TBC1D14: variants seen among roughly 807,000 people sequenced by gnomAD.
The protein encoded by TBC1D14 is TBC1 domain family member 14, also known as TBC1 domain family, member 14.
In TBC1D14, 26 loss-of-function variants were observed where a neutral mutation model predicts 79.0. The ratio of observed to expected loss-of-function variants is 0.33; its 90% CI spans 0.24 to 0.46. TBC1D14 has a LOEUF of 0.46. Ranked by LOEUF, TBC1D14 falls within the 20% of genes least tolerant of loss-of-function variation. TBC1D14 has a pLI of 1.00. For missense variants in TBC1D14, 769 were observed against 887.6 expected, an observed-to-expected ratio of 0.87 and a Z score of 1.70; for synonymous variants, 394 against 349.9, an observed-to-expected ratio of 1.13 and a Z score of -1.40.
chr4:6,975,698 A>G (rs1395361610), intron 3 of TBC1D14, among the ~76,000 whole-genome samples: 2 of 152,242 alleles, frequency 1.3e-5, no homozygotes, highest in African/African-American at 2.4e-5. Flanking sequence ...GAAATTTTGT[A>G]ACTGAAAAAT....
At chr4:6,924,185 G>A in intron 2 of TBC1D14, 74 bp downstream of exon 2, 1 of 1,501,632 alleles carries the variant, frequency 6.7e-7, no homozygotes, top group Non-Finnish European at 8.9e-7. Flanking sequence ...TGTCTCAAAT[G>A]TGTTGTGTGT....
At chr4:6,923,012 C>T (rs1218617267) in intron 1 of TBC1D14, among the ~76,000 whole-genome samples, 3 of 152,100 alleles carry the variant, frequency 2.0e-5, no homozygotes, top group Admixed American at 2.0e-4. Context: ...ACCAGCCTGG[C>T]CAACATAGGG....
intron 6 of TBC1D14, among the ~76,000 whole-genome samples, 154 bp downstream of exon 6, chr4:6,999,356 G>A (rs941306000): frequency 6.6e-6 from 1 of 151,808 alleles, no homozygotes; most frequent in Non-Finnish European, 1.5e-5. Context: ...CTCAGCCTGC[G>A]CCATCCCTTG....
intron 2 of TBC1D14, among the ~76,000 whole-genome samples, chr4:6,954,527 G>C (rs775600462): frequency 1.1e-4 from 17 of 152,196 alleles, no homozygotes; most frequent in Admixed American, 9.8e-4. Flanking sequence ...CTGAGTGCCC[G>C]AGCTCCCTGG....
chr4:6,938,235 T>C (rs1712537777), intron 2 of TBC1D14, among the ~76,000 whole-genome samples: 1 of 152,136 alleles, frequency 6.6e-6, no homozygotes, highest in South Asian at 2.1e-4. Flanking sequence ...CTGTTGGCTG[T>C]GCAGATCCCT....
chr4:6,961,036 T>G (rs981931879), intron 2 of TBC1D14, among the ~76,000 whole-genome samples: 1 of 152,204 alleles, frequency 6.6e-6, no homozygotes, highest in African/African-American at 2.4e-5. Context: ...CACTCGACAC[T>G]GGACCTGGGA....
At position 7,025,088 on chromosome 4, in the gene TBC1D14, C is replaced by T; in HGVS notation, c.1842C>T (p.Phe614=). The T allele has an allele frequency of 2.5e-6, 4 of 1,614,204 alleles. No individual in the cohort carries two copies. Among genetic ancestry groups the T allele is most frequent in the Non-Finnish European group, 2.5e-6 (3 of 1,180,036 alleles). Residue 614 remains phenylalanine (F), a synonymous_variant, in exon 13 of 14, where the codon TTC becomes TTT. Coordinates refer to ENST00000409757, the MANE Select transcript of TBC1D14 (RefSeq NM_020773.3). ...WDVFCRDGEE[F]LFRTALGILK... ...TGTTCTGTCGCGATGGGGAAGAGTT[C>T]CTGTTCCGCACGGCCCTGGGCATCC...
At chr4:6,970,618 A>G (rs1482141507) in intron 3 of TBC1D14, among the ~76,000 whole-genome samples, 1 of 152,264 alleles carries the variant, frequency 6.6e-6, no homozygotes, top group Non-Finnish European at 1.5e-5. Flanking sequence ...TGGGAGCCCA[A>G]GAGCAGTTGG....
At chr4:6,989,259 TCTCTCCTCTGG>T (rs1015960095) in intron 3 of TBC1D14, among the ~76,000 whole-genome samples, 1 of 152,092 alleles carries the variant, frequency 6.6e-6, no homozygotes, top group Non-Finnish European at 1.5e-5. Flanking sequence ...TACCTCATAG[TCTCTCCTCTGG>T]CTCTCCTCTC....
At chr4:6,965,260 C>T (rs765243068) in intron 2 of TBC1D14, among the ~76,000 whole-genome samples, 19 of 152,040 alleles carry the variant, frequency 1.2e-4, no homozygotes, top group African/African-American at 3.4e-4. Flanking sequence ...TGGGTTCAAG[C>T]GATTCTCCTG....
At chr4:6,988,296 T>A (rs1426905134) in intron 3 of TBC1D14, among the ~76,000 whole-genome samples, 2 of 152,248 alleles carry the variant, frequency 1.3e-5, no homozygotes, top group Non-Finnish European at 2.9e-5. Context: ...AGTAATTTCA[T>A]AGTATATAGT....
intron 2 of TBC1D14, among the ~76,000 whole-genome samples, chr4:6,950,132 A>G (rs1713893494): frequency 2.0e-5 from 3 of 151,004 alleles, no homozygotes; most frequent in African/African-American, 7.3e-5. Flanking sequence ...TCATTGTTCA[A>G]CTCCCCCTTA....
At chr4:7,001,994 A>T (rs924389625) in intron 7 of TBC1D14, among the ~76,000 whole-genome samples, 5 of 152,144 alleles carry the variant, frequency 3.3e-5, no homozygotes, top group African/African-American at 9.7e-5. Context: ...TGGGGAGTTG[A>T]TGATGTGGTT....
intron 11 of TBC1D14, 66 bp downstream of exon 11, chr4:7,010,847 CTG>C (rs976675393): frequency 1.9e-6 from 3 of 1,542,046 alleles, no homozygotes; most frequent in East Asian, 2.3e-5. Flanking sequence ...GCTTACTCGT[CTG>C]TGTTTTCGGT....
intron 3 of TBC1D14, among the ~76,000 whole-genome samples, chr4:6,992,809 T>A (rs1248803397): frequency 6.6e-6 from 1 of 152,048 alleles, no homozygotes; most frequent in East Asian, 1.9e-4. Flanking sequence ...TTCAGATGCT[T>A]GAATCCAGCA....
chr4:6,963,338 A>C (rs1047795890), intron 2 of TBC1D14, among the ~76,000 whole-genome samples: 13 of 152,252 alleles, frequency 8.5e-5, no homozygotes, highest in Admixed American at 4.6e-4. Context: ...ACCGGGCCAC[A>C]CAGCCCATGA....
chr4:7,030,116 G>A (rs907803617), intron 13 of TBC1D14, among the ~76,000 whole-genome samples: 9 of 152,206 alleles, frequency 5.9e-5, no homozygotes, highest in African/African-American at 2.2e-4. Flanking sequence ...AAGGAGTGCA[G>A]CTAGCTCACC....
intron 3 of TBC1D14, among the ~76,000 whole-genome samples, chr4:6,969,496 C>T (rs1716031345): frequency 6.6e-6 from 1 of 152,096 alleles, no homozygotes; most frequent in African/African-American, 2.4e-5. Flanking sequence ...CGCTCCGCCT[C>T]CCGGATTCAT....
intron 3 of TBC1D14, among the ~76,000 whole-genome samples, chr4:6,979,211 A>G (rs1254172865): frequency 6.6e-6 from 1 of 151,694 alleles, no homozygotes; most frequent in Admixed American, 6.6e-5. Context: ...GAAGAAAAAA[A>G]GAGAAAACAA....
Sources: gnomAD v4.1 joint callset for allele counts (sites outside exome capture counted in the v4.1 genomes callset) on GRCh38, gnomAD v4.1.1 for gene constraint, MANE v1.5 for transcripts, NCBI Gene and HGNC (gene_info 2026-07-23, HGNC 2026-07-21) for gene names.